STK3: variants seen among roughly 807,000 people sequenced by gnomAD.
STK3 encodes serine/threonine-protein kinase 3.
Under a neutral mutation model 58.0 loss-of-function variants are expected in STK3, and 41 were observed. That is an observed-to-expected ratio of 0.71 (90% CI 0.55 to 0.92). The LOEUF is 0.92. Ranked by LOEUF, STK3 falls within the 40% of genes least tolerant of loss-of-function variation. The pLI is 0.00. For missense variants in STK3, 479 were observed against 602.7 expected (o/e 0.79, Z 2.15); for synonymous variants, 170 against 191.0 (o/e 0.89, Z 0.91).
chr8:98,732,079 A>G (rs1828249956), intron 4 of STK3, among the ~76,000 whole-genome samples: 1 of 151,848 alleles, frequency 6.6e-6, no homozygotes, highest in Admixed American at 6.6e-5. Context: ...TAACTGCTAA[A>G]ATAAAAAGTT....
intron 6 of STK3, among the ~76,000 whole-genome samples, chr8:98,669,743 C>A (rs1203994149): frequency 6.6e-6 from 1 of 152,194 alleles, no homozygotes; most frequent in African/African-American, 2.4e-5. Context: ...GTATCAGTCC[C>A]TACAACACTT....
At chr8:98,688,130 A>G (rs1440147147) in intron 6 of STK3, among the ~76,000 whole-genome samples, 1 of 152,206 alleles carries the variant, frequency 6.6e-6, no homozygotes, top group Non-Finnish European at 1.5e-5. Flanking sequence ...CTTATATTAG[A>G]TAAAATAGAC....
chr8:98,792,310 C>G (rs186981232), intron 1 of STK3, among the ~76,000 whole-genome samples: 2 of 152,072 alleles, frequency 1.3e-5, no homozygotes, highest in East Asian at 3.8e-4. Flanking sequence ...TTGATGTTGT[C>G]GGGGATGGAG....
At chr8:98,937,718 G>A (rs1300142834) in intron 1 of STK3, among the ~76,000 whole-genome samples, 1 of 152,216 alleles carries the variant, frequency 6.6e-6, no homozygotes, top group African/African-American at 2.4e-5. Flanking sequence ...GATTTTTAGA[G>A]TTGGCTTGAC....
At chr8:98,650,888 T>G (rs1391521101) in intron 6 of STK3, among the ~76,000 whole-genome samples, 1 of 152,240 alleles carries the variant, frequency 6.6e-6, no homozygotes, top group Non-Finnish European at 1.5e-5. Flanking sequence ...TGCCTGCCTC[T>G]GTAGGCTGCA....
chr8:98,644,341 T>C (rs1017193376), intron 6 of STK3, among the ~76,000 whole-genome samples: 1 of 152,216 alleles, frequency 6.6e-6, no homozygotes, highest in African/African-American at 2.4e-5. Context: ...CAATAAACTG[T>C]TATTAAATCC....
the STK3 span, among the ~76,000 whole-genome samples, chr8:98,354,391 A>T: frequency 6.6e-6 from 1 of 152,156 alleles, no homozygotes; most frequent in African/African-American, 2.4e-5. Flanking sequence ...TCCTTCCTTC[A>T]CCAGCTTCCA....
intron 10 of STK3, among the ~76,000 whole-genome samples, chr8:98,472,469 C>A (rs1453553657): frequency 6.6e-6 from 1 of 152,096 alleles, no homozygotes; most frequent in Non-Finnish European, 1.5e-5. Flanking sequence ...TTTTTGAAAT[C>A]ATAATATATT....
intron 1 of STK3, among the ~76,000 whole-genome samples, chr8:98,793,878 T>G (rs1431896654): frequency 6.7e-6 from 1 of 150,352 alleles, no homozygotes; most frequent in African/African-American, 2.4e-5. Context: ...AAAATAAAAA[T>G]CAATACCATG....
chr8:98,681,004 T>C (rs374870999), intron 6 of STK3, among the ~76,000 whole-genome samples: 1 of 145,780 alleles, frequency 6.9e-6, no homozygotes, highest in Non-Finnish European at 1.5e-5. Flanking sequence ...TTTTTTGGTG[T>C]TGTTGTTGTT....
In STK3 at chr8:98,633,492, C is replaced by A. The variant is rs375152585; in HGVS notation, c.685-37323G>T. On this transcript the variant is annotated intron_variant, in intron 6 of 10. Coordinates refer to ENST00000419617, the MANE Select transcript of STK3 (RefSeq NM_006281.4). ...GATCCAGAAGAAGGTAGAACGATGGCGGTGGCGTTGGCTTTGCCAGCTCAG... is the reference window on the plus strand; with the variant it reads ...GATCCAGAAGAAGGTAGAACGATGGAGGTGGCGTTGGCTTTGCCAGCTCAG... 6.4e-6 allele frequency: 4 copies of A among 628,600 alleles called. No homozygotes were observed. The African/African-American group carries it at 7.4e-5, about 12-fold the overall frequency. 38.9% of individuals were successfully genotyped at this position (628,600 alleles called of 1,614,324 possible).
chr8:98,707,089 T>C (rs1826020736), intron 5 of STK3, 58 bp downstream of exon 5: 2 of 1,507,266 alleles, frequency 1.3e-6, no homozygotes, highest in African/African-American at 2.9e-5. Context: ...GAAGTTTAGT[T>C]ATAATCAAAT....
chr8:98,828,565 A>C (rs532168535), upstream of STK3, among the ~76,000 whole-genome samples: 2 of 151,826 alleles, frequency 1.3e-5, no homozygotes, highest in East Asian at 3.9e-4. Flanking sequence ...TGAGCAATAG[A>C]GTGAGACCCT....
At chr8:98,458,305 C>T (rs1055355628) in intron 10 of STK3, among the ~76,000 whole-genome samples, 1 of 152,136 alleles carries the variant, frequency 6.6e-6, no homozygotes, top group Admixed American at 6.5e-5. Flanking sequence ...TCTTCCAATC[C>T]ATGAGCATGG....
downstream of STK3, among the ~76,000 whole-genome samples, chr8:98,452,823 T>TG (rs1191915179): frequency 6.7e-5 from 10 of 150,254 alleles, no homozygotes; most frequent in East Asian, 1.8e-3. Flanking sequence ...TGCAGTGGTG[T>TG]GATCTCAGCT....
Position 98,706,494 on chromosome 8 carries a change from A to G in STK3, c.657T>C (p.Pro219=). Residue 219 remains proline, a synonymous_variant, in exon 6 of 11, where the codon CCT becomes CCC. Coordinates refer to ENST00000419617, the MANE Select transcript of STK3 (RefSeq NM_006281.4). ...ITSIEMAEGK[P]PYADIHPMRA... is the part of the protein sequence containing the mutation. ...TCATTGGATGTATATCAGCATAAGG[A>G]GGTTTTCCTTCAGCCATTTCTATAG... 6.2e-7 allele frequency: 1 copy of G among 1,613,556 alleles called. No homozygotes were observed. The highest frequency in any genetic ancestry group is 8.5e-7 in the Non-Finnish European group (1 of 1,179,776).
intron 10 of STK3, among the ~76,000 whole-genome samples, chr8:98,492,014 A>G (rs1183263451): frequency 2.0e-5 from 3 of 152,190 alleles, no homozygotes; most frequent in Admixed American, 6.5e-5. Context: ...AACTACTAAT[A>G]AAAGGAATGT....
intron 1 of STK3, chr8:98,942,259 G>A (rs896164183): frequency 6.6e-6 from 1 of 152,282 alleles, no homozygotes; most frequent in Admixed American, 6.5e-5. Flanking sequence ...TCAGCCTCCG[G>A]GCCGCTCCCC....
At chr8:98,701,355 C>T (rs529270195) in intron 6 of STK3, among the ~76,000 whole-genome samples, 16 of 152,312 alleles carry the variant, frequency 1.1e-4, no homozygotes, top group African/African-American at 3.1e-4. Flanking sequence ...CACTGGCTTA[C>T]GCCTATAATC....
Sources: gnomAD v4.1 joint callset for allele counts (sites outside exome capture counted in the v4.1 genomes callset) on GRCh38, gnomAD v4.1.1 for gene constraint, MANE v1.5 for transcripts, NCBI Gene and HGNC (gene_info 2026-07-23, HGNC 2026-07-21) for gene names.